The following PIP4P2 variants were observed in gnomAD, a reference collection of about 807,000 sequenced individuals.
The protein encoded by PIP4P2 is phosphatidylinositol-4,5-bisphosphate 4-phosphatase 2.
Under a neutral mutation model 33.3 loss-of-function variants are expected in PIP4P2, and 19 were observed. The observed-to-expected ratio is 0.57, with a 90% CI of 0.40 to 0.84. The LOEUF (loss-of-function observed/expected upper bound fraction) is 0.84, where lower values mean the gene tolerates loss of function less well. Ranked by LOEUF, PIP4P2 falls within the 40% of genes least tolerant of loss-of-function variation. The pLI, the probability that PIP4P2 is intolerant of heterozygous loss-of-function variation, is 0.00. For synonymous variants in PIP4P2, 110 were observed against 111.9 expected, an observed-to-expected ratio of 0.98 and a Z score of 0.11; for missense variants, 270 against 324.7, an observed-to-expected ratio of 0.83 and a Z score of 1.29.
chr8:91,037,434 T>G (rs1812247225), intron 1 of PIP4P2, among the ~76,000 whole-genome samples: 1 of 152,196 alleles, frequency 6.6e-6, no homozygotes, highest in Non-Finnish European at 1.5e-5. Context: ...CATTCAAGCA[T>G]CAAGAAAGCC....
At chr8:91,039,425 A>G (rs1812276261) in intron 1 of PIP4P2, among the ~76,000 whole-genome samples, 1 of 152,190 alleles carries the variant, frequency 6.6e-6, no homozygotes, top group African/African-American at 2.4e-5. Flanking sequence ...CTTCTTGTTA[A>G]GTATGGATTA....
Position 91,036,468 on chromosome 8 carries a change from C to G in PIP4P2, c.106+4176G>C, listed in dbSNP as rs117238148. Among the ~76,000 whole-genome samples the G allele has an allele frequency of 1.2e-3, 176 of 152,242 alleles. 3 individuals carry two copies. In the East Asian group the frequency reaches 0.028, roughly 24 times the overall value. On this transcript the variant is annotated intron_variant, in intron 1 of 6. Transcript: ENST00000285419. ...TGCATAGCCAGAATTCTAGGAGATA[C>G]CCTTGACACTTCTCCCTCACTTCCA...
chr8:90,995,880 G>T, intron 6 of PIP4P2, 60 bp from the exon 7 acceptor site: 1 of 1,509,120 alleles, frequency 6.6e-7, no homozygotes, highest in South Asian at 1.3e-5. Flanking sequence ...ATCTGCTTAG[G>T]GAACTTGTAT....
At chr8:91,007,405 C>T (rs923390743) in intron 5 of PIP4P2, among the ~76,000 whole-genome samples, 2 of 152,148 alleles carry the variant, frequency 1.3e-5, no homozygotes, top group South Asian at 4.1e-4. Context: ...TAATTACTTT[C>T]TCCTATAAAC....
Position 91,008,739 on chromosome 8 carries a change from T to C in PIP4P2, c.539+4A>G. The C allele has an allele frequency of 6.2e-7, 1 of 1,609,506 alleles. No individual in the cohort carries two copies. Among genetic ancestry groups the C allele is most frequent in the Non-Finnish European group, 8.5e-7 (1 of 1,176,654 alleles). ...AATAATATTTCCAATGGTAGGGAAC[T>C]TACATTTTTTTGCAGTGTGGGCATT... On this transcript the variant is annotated splice_donor_region_variant and intron_variant, in intron 5 of 6. Coordinates refer to ENST00000285419, the MANE Select transcript of PIP4P2 (RefSeq NM_018710.3).
chr8:91,036,502 CCAT>C (rs1487227393), intron 1 of PIP4P2, among the ~76,000 whole-genome samples: 1 of 152,142 alleles, frequency 6.6e-6, no homozygotes, highest in Non-Finnish European at 1.5e-5. Context: ...CATGTGCAAT[CCAT>C]CATCAAGCCC....
intron 1 of PIP4P2, among the ~76,000 whole-genome samples, chr8:91,030,081 T>C (rs1399205533): frequency 6.6e-6 from 1 of 152,094 alleles, no homozygotes; most frequent in Non-Finnish European, 1.5e-5. Flanking sequence ...GAAAGGAGCC[T>C]CAGCAAATGT....
chr8:91,024,254 G>A, intron 1 of PIP4P2: 1 of 409,278 alleles, frequency 2.4e-6, no homozygotes, highest in Non-Finnish European at 4.9e-6. Flanking sequence ...ATTATTTCTT[G>A]TACTTTTGGC....
intron 1 of PIP4P2, among the ~76,000 whole-genome samples, chr8:91,030,031 A>G (rs1812141349): frequency 6.6e-6 from 1 of 152,142 alleles, no homozygotes; most frequent in African/African-American, 2.4e-5. Context: ...TTGGGAACAT[A>G]TATATTCCAG....
At chr8:90,998,438 G>A (rs1364641779) in intron 5 of PIP4P2, among the ~76,000 whole-genome samples, 1 of 151,990 alleles carries the variant, frequency 6.6e-6, no homozygotes, top group African/African-American at 2.4e-5. Context: ...CAACTCAAGT[G>A]CCATCTCCTC....
At chr8:91,038,221 G>C (rs1421680914) in intron 1 of PIP4P2, among the ~76,000 whole-genome samples, 1 of 152,158 alleles carries the variant, frequency 6.6e-6, no homozygotes, top group Admixed American at 6.5e-5. Flanking sequence ...ACCTGAAATG[G>C]ACTATTTCAT....
chr8:91,014,822 GTTAA>G (rs748851279), intron 4 of PIP4P2, among the ~76,000 whole-genome samples: 32 of 148,024 alleles, frequency 2.2e-4, no homozygotes, highest in Non-Finnish European at 4.3e-4. Flanking sequence ...TAATCAAAAT[GTTAA>G]TTAACTTGAT....
chr8:91,021,059 T>C (rs1812002087), intron 2 of PIP4P2, among the ~76,000 whole-genome samples, 197 bp downstream of exon 2: 1 of 152,182 alleles, frequency 6.6e-6, no homozygotes, highest in Non-Finnish European at 1.5e-5. Flanking sequence ...CACCATGAAA[T>C]TCTCTTAATG....
Position 90,995,569 on chromosome 8 carries a change from A to T in PIP4P2, c.*108T>A, listed in dbSNP as rs772052903. On this transcript the variant is annotated 3_prime_UTR_variant, in exon 7 of 7. Coordinates refer to ENST00000285419, the MANE Select transcript of PIP4P2 (RefSeq NM_018710.3). ...ACTCCCAAAGTCTTGAAACGATTATACATAAACCAGAATGGAATCCATTAG... is the reference window on the plus strand; with the variant it reads ...ACTCCCAAAGTCTTGAAACGATTATTCATAAACCAGAATGGAATCCATTAG... 5.5e-4 allele frequency: 755 copies of T among 1,367,500 alleles called. 4 individuals carry two copies. Among genetic ancestry groups the T allele is most frequent in the Middle Eastern group, 1.1e-3 (6 of 5,356 alleles). 84.7% of individuals were successfully genotyped at this position (1,367,500 alleles called of 1,614,324 possible). A position where few individuals can be genotyped will look rare whatever the true frequency, so the allele number is the denominator to read the frequency against.
At chr8:90,999,247 A>G (rs1322566784) in intron 5 of PIP4P2, among the ~76,000 whole-genome samples, 1 of 152,132 alleles carries the variant, frequency 6.6e-6, no homozygotes, top group African/African-American at 2.4e-5. Context: ...TAATACTACT[A>G]AAAAGTCAAA....
intron 5 of PIP4P2, among the ~76,000 whole-genome samples, chr8:91,006,495 GA>G (rs201182345): frequency 0.014 from 2,059 of 152,214 alleles, 14 homozygotes; most frequent in Non-Finnish European, 0.019. Flanking sequence ...GCCATTGTAC[GA>G]AAATAATTAA....
chr8:91,015,783 A>G (rs1811907672), intron 4 of PIP4P2, among the ~76,000 whole-genome samples: 1 of 152,130 alleles, frequency 6.6e-6, no homozygotes, highest in South Asian at 2.1e-4. Context: ...CGCATTCTGT[A>G]TTTGTCTTGA....
At chr8:91,039,745 C>G (rs1263326636) in intron 1 of PIP4P2, among the ~76,000 whole-genome samples, 1 of 152,056 alleles carries the variant, frequency 6.6e-6, no homozygotes, top group African/African-American at 2.4e-5. Context: ...TCTTGTAACG[C>G]CTGACTCCAC....
chr8:91,003,076 A>C (rs982343937), intron 5 of PIP4P2, among the ~76,000 whole-genome samples: 12 of 152,208 alleles, frequency 7.9e-5, no homozygotes, highest in Admixed American at 7.9e-4. Flanking sequence ...AATAATTTAT[A>C]TGAAACTAAA....
Sources: gnomAD v4.1 joint callset for allele counts (sites outside exome capture counted in the v4.1 genomes callset) on GRCh38, gnomAD v4.1.1 for gene constraint, MANE v1.5 for transcripts, NCBI Gene and HGNC (gene_info 2026-07-23, HGNC 2026-07-21) for gene names.